PSMD14: variants seen among roughly 807,000 people sequenced by gnomAD.
PSMD14 encodes the protein proteasome 26S subunit, non-ATPase 14, also known as ubiquitin C-terminal hydrolase PSMD14.
PSMD14 carries 7 observed loss-of-function variants against 41.2 expected under a neutral mutation model. The observed-to-expected ratio is 0.17, with a 90% CI of 0.10 to 0.32. The LOEUF is 0.32. PSMD14 is among the 10% of genes least tolerant of loss of function. PSMD14 has a pLI of 1.00. For synonymous variants in PSMD14, 114 were observed against 122.3 expected (o/e 0.93, Z 0.45); for missense variants, 139 against 375.6 (o/e 0.37, Z 5.21).
intron 3 of PSMD14, among the ~76,000 whole-genome samples, chr2:161,339,857 T>C (rs1210286383): frequency 6.6e-6 from 1 of 152,278 alleles, no homozygotes; most frequent in Non-Finnish European, 1.5e-5. Flanking sequence ...GGGTTGATGC[T>C]GGACATTCCC....
At chr2:161,340,972 C>A in intron 3 of PSMD14, 1 of 1,613,076 alleles carries the variant, frequency 6.2e-7, no homozygotes, top group Non-Finnish European at 8.5e-7. Context: ...CCATCCAAGT[C>A]CTGCTCCTCT....
rs562782691 is a variant in PSMD14 at position 161,324,877 on chromosome 2, A to G, written c.48+6004A>G. ...CCTTGCCATGATTTTGCTTTGACCA[A>G]TGGAATGTGATTGGTTAATAGGTCA... On this transcript the variant is annotated intron_variant, in intron 3 of 11. Transcript: ENST00000409682. Among the ~76,000 whole-genome samples, 3 of 152,280 alleles carry G rather than the reference A, an allele frequency of 2.0e-5. No individual in the cohort carries two copies. In the South Asian group the frequency reaches 6.2e-4, roughly 32 times the overall value.
At chr2:161,375,170 T>G (rs961051728) in intron 7 of PSMD14, among the ~76,000 whole-genome samples, 5 of 152,026 alleles carry the variant, frequency 3.3e-5, no homozygotes, top group African/African-American at 1.2e-4. Flanking sequence ...TGCTAATGAT[T>G]CTAAGATGCA....
chr2:161,361,378 T>G lies in PSMD14; in HGVS notation c.49-6100T>G, dbSNP rs1683287241. On this transcript the variant is annotated intron_variant, in intron 3 of 11. Coordinates refer to ENST00000409682, the MANE Select transcript of PSMD14 (RefSeq NM_005805.6). The stretch of plus-strand genomic sequence containing the variant: ...GAATTTATCAATACAACTGAAAAGA[T>G]TATAACAATTAGCCACAGAACAGCC... Among the ~76,000 whole-genome samples the G allele has an allele frequency of 3.9e-5, 6 of 152,260 alleles. No individual in the cohort carries two copies. The South Asian group carries it at 1.2e-3, about 32-fold the overall frequency.
chr2:161,319,483 C>CT (rs1238793483), intron 3 of PSMD14, among the ~76,000 whole-genome samples: 1 of 152,090 alleles, frequency 6.6e-6, no homozygotes, highest in African/African-American at 2.4e-5. Flanking sequence ...TCAGGATAGT[C>CT]TATCTGCTTT....
At chr2:161,338,581 T>C (rs555671652) in intron 3 of PSMD14, among the ~76,000 whole-genome samples, 1 of 152,222 alleles carries the variant, frequency 6.6e-6, no homozygotes, top group Non-Finnish European at 1.5e-5. Flanking sequence ...AATAACTTTA[T>C]AATACTTTTT....
intron 3 of PSMD14, among the ~76,000 whole-genome samples, chr2:161,361,822 A>G (rs541148209): frequency 6.6e-6 from 1 of 152,264 alleles, no homozygotes; most frequent in Admixed American, 6.5e-5. Flanking sequence ...TTTTTGTTTT[A>G]ATTGTTACTC....
chr2:161,351,859 T>A (rs1683122810), intron 3 of PSMD14, among the ~76,000 whole-genome samples: 1 of 152,164 alleles, frequency 6.6e-6, no homozygotes, highest in Non-Finnish European at 1.5e-5. Flanking sequence ...TTTTATTGGC[T>A]GAAGAGGGTC....
At chr2:161,311,625 C>CTTTTTTTTT (rs34635738) in intron 1 of PSMD14, among the ~76,000 whole-genome samples, 1 of 58,534 alleles carries the variant, frequency 1.7e-5, no homozygotes. Flanking sequence ...CTCACTCTTC[C>CTTTTTTTTT]TTTTTTTTTT....
chr2:161,332,242 T>G (rs913600541), intron 3 of PSMD14, among the ~76,000 whole-genome samples: 7 of 152,254 alleles, frequency 4.6e-5, no homozygotes, highest in Non-Finnish European at 1.0e-4. Flanking sequence ...ATGTGAATCT[T>G]CACACATTGG....
At chr2:161,355,542 TTCTTTCTTTTTG>T (rs1441541439) in intron 3 of PSMD14, among the ~76,000 whole-genome samples, 1 of 152,178 alleles carries the variant, frequency 6.6e-6, no homozygotes, top group Non-Finnish European at 1.5e-5. Flanking sequence ...CTTATTTTCT[TTCTTTCTTTTTG>T]TCTTTCTTTT....
chr2:161,334,124 G>C (rs964082511), intron 3 of PSMD14, among the ~76,000 whole-genome samples: 11 of 152,258 alleles, frequency 7.2e-5, no homozygotes, highest in African/African-American at 2.6e-4. Context: ...TCTGAGGTTG[G>C]GGGTTCGAGA....
At chr2:161,331,315 T>C (rs1294587814) in intron 3 of PSMD14, among the ~76,000 whole-genome samples, 2 of 151,876 alleles carry the variant, frequency 1.3e-5, no homozygotes, top group African/African-American at 4.8e-5. Flanking sequence ...CGGGCTAGAG[T>C]GCGGTGGTGC....
At chr2:161,315,149 T>G (rs1329624358) in intron 1 of PSMD14, among the ~76,000 whole-genome samples, 1 of 152,170 alleles carries the variant, frequency 6.6e-6, no homozygotes, top group Non-Finnish European at 1.5e-5. Context: ...CCGGGGACGT[T>G]TGGTAAAGCT....
chr2:161,332,508 T>A (rs759606298), intron 3 of PSMD14, among the ~76,000 whole-genome samples: 31 of 152,336 alleles, frequency 2.0e-4, no homozygotes, highest in South Asian at 6.2e-4. Flanking sequence ...ATTTGAATAA[T>A]AGACTTGCCA....
At chr2:161,378,418 G>C (rs1217921405) in intron 7 of PSMD14, among the ~76,000 whole-genome samples, 2 of 151,804 alleles carry the variant, frequency 1.3e-5, no homozygotes, top group Admixed American at 6.6e-5. Flanking sequence ...TATAGATAAT[G>C]GATATTTTTC....
chr2:161,372,114 A>G (rs995965089), intron 7 of PSMD14, among the ~76,000 whole-genome samples: 49 of 151,946 alleles, frequency 3.2e-4, no homozygotes, highest in Admixed American at 3.0e-3. Context: ...CCACAGGGAG[A>G]GTGGATTAGA....
chr2:161,374,243 A>G (rs558382876), intron 7 of PSMD14, among the ~76,000 whole-genome samples: 1 of 152,146 alleles, frequency 6.6e-6, no homozygotes, highest in Non-Finnish European at 1.5e-5. Flanking sequence ...AGCATAAGTC[A>G]GGGGAAAGAG....
chr2:161,352,405 G>A (rs1173788081), intron 3 of PSMD14, among the ~76,000 whole-genome samples: 1 of 152,112 alleles, frequency 6.6e-6, no homozygotes, highest in Non-Finnish European at 1.5e-5. Flanking sequence ...CTGGGGAGGC[G>A]CTTTGAAATA....
Sources: gnomAD v4.1 joint callset for allele counts (sites outside exome capture counted in the v4.1 genomes callset) on GRCh38, gnomAD v4.1.1 for gene constraint, MANE v1.5 for transcripts, NCBI Gene and HGNC (gene_info 2026-07-23, HGNC 2026-07-21) for gene names.